The following CTNNA2 variants were observed in gnomAD, a reference collection of about 807,000 sequenced individuals.
CTNNA2 encodes catenin alpha-2.
CTNNA2 carries 42 observed loss-of-function variants against 101.0 expected under a neutral mutation model. The ratio of observed to expected loss-of-function variants is 0.42; its 90% CI spans 0.32 to 0.54. The LOEUF is 0.54. Among genes scored for constraint, CTNNA2 ranks in the 20% least tolerant of loss-of-function variants. CTNNA2 has a pLI of 0.14. For missense variants in CTNNA2, 871 were observed against 1,223.1 expected (o/e 0.71, Z 4.29); for synonymous variants, 450 against 456.4 (o/e 0.99, Z 0.18).
At chr2:79,396,100 T>C (rs1678226982) in intron 4 of CTNNA2, among the ~76,000 whole-genome samples, 1 of 152,208 alleles carries the variant, frequency 6.6e-6, no homozygotes, top group South Asian at 2.1e-4. Context: ...GTTTTATTTT[T>C]TGGAATCATT....
intron 9 of CTNNA2, among the ~76,000 whole-genome samples, chr2:80,471,790 G>A (rs1468866017): frequency 1.3e-5 from 2 of 150,532 alleles, no homozygotes; most frequent in Non-Finnish European, 2.9e-5. Flanking sequence ...GTCTGTTGGC[G>A]GGAAAGTGGT....
At chr2:80,196,895 T>A (rs1706875133) in intron 7 of CTNNA2, among the ~76,000 whole-genome samples, 1 of 152,198 alleles carries the variant, frequency 6.6e-6, no homozygotes, top group Non-Finnish European at 1.5e-5. Flanking sequence ...ATTCTTGAAG[T>A]CCCTGCTTAA....
intron 7 of CTNNA2, among the ~76,000 whole-genome samples, chr2:80,290,621 CT>C (rs968893273): frequency 3.9e-5 from 6 of 152,126 alleles, no homozygotes; most frequent in Middle Eastern, 3.4e-3. Context: ...ATTACTCCCC[CT>C]CCCTGAAATC....
At chr2:80,409,452 G>A (rs1469315808) in intron 8 of CTNNA2, among the ~76,000 whole-genome samples, 8 of 152,172 alleles carry the variant, frequency 5.3e-5, no homozygotes, top group Non-Finnish European at 1.2e-4. Context: ...GTGTGAGGTC[G>A]TGTTGATCGC....
intron 7 of CTNNA2, among the ~76,000 whole-genome samples, chr2:80,363,622 T>G (rs1022658088): frequency 6.6e-6 from 1 of 152,162 alleles, no homozygotes; most frequent in Non-Finnish European, 1.5e-5. Context: ...ATTTCTGTAC[T>G]TAGAATTGAG....
intron 3 of CTNNA2, among the ~76,000 whole-genome samples, chr2:79,758,053 C>T (rs927676620): frequency 1.3e-5 from 2 of 152,248 alleles, no homozygotes; most frequent in Admixed American, 1.3e-4. Context: ...TATTTTTAAT[C>T]ATAAAATGAT....
chr2:79,435,270 T>G (rs1229301412), intron 4 of CTNNA2, among the ~76,000 whole-genome samples: 1 of 152,144 alleles, frequency 6.6e-6, no homozygotes, highest in Non-Finnish European at 1.5e-5. Flanking sequence ...CACTGTTGAA[T>G]AGTAGTGGTG....
intron 4 of CTNNA2, among the ~76,000 whole-genome samples, chr2:79,490,561 G>A (rs904262332): frequency 2.0e-5 from 3 of 152,026 alleles, no homozygotes; most frequent in African/African-American, 4.8e-5. Flanking sequence ...CAACATGACC[G>A]TCCATCTTTT....
intron 9 of CTNNA2, among the ~76,000 whole-genome samples, chr2:80,532,618 A>C (rs1426296025): frequency 6.6e-6 from 1 of 152,144 alleles, no homozygotes; most frequent in Non-Finnish European, 1.5e-5. Flanking sequence ...GTAGGTATGC[A>C]TGTTCAGGAA....
rs996420716 is a variant in CTNNA2, at chr2:79,829,345, C to G, written c.299-28668C>G. ...CAGCCTGGCTAATATGGTGAAACCCCGTCTCAACTAAAACTACACACACAC... is the reference window on the plus strand; with the variant it reads ...CAGCCTGGCTAATATGGTGAAACCCGGTCTCAACTAAAACTACACACACAC... On this transcript the variant is annotated intron_variant, in intron 3 of 18. Coordinates refer to ENST00000402739, the MANE Select transcript of CTNNA2 (RefSeq NM_001282597.3). 1.2e-4 allele frequency among the ~76,000 whole-genome samples: 17 copies of G among 142,000 alleles called. No individual in the cohort carries two copies. In the East Asian group the frequency reaches 3.8e-3, roughly 32 times the overall value. The allele number at this position is 142,000 out of a possible 152,430, so 93.2% of individuals were successfully genotyped here.
intron 12 of CTNNA2, among the ~76,000 whole-genome samples, chr2:80,564,732 TGTATGCAG>T (rs1327093790): frequency 6.6e-6 from 1 of 152,170 alleles, no homozygotes; most frequent in African/African-American, 2.4e-5. Context: ...AGTCCAAGAA[TGTATGCAG>T]GAAGAATTGG....
upstream of CTNNA2, among the ~76,000 whole-genome samples, chr2:79,511,720 T>A (rs933621584): frequency 1.9e-4 from 29 of 152,086 alleles, 1 homozygote; most frequent in African/African-American, 7.0e-4. Flanking sequence ...CTAGAGAGAA[T>A]TAAAAATAGT....
At chr2:79,553,217 C>T (rs756437556) in intron 1 of CTNNA2, among the ~76,000 whole-genome samples, 1 of 152,124 alleles carries the variant, frequency 6.6e-6, no homozygotes, top group Non-Finnish European at 1.5e-5. Flanking sequence ...AAATATGTTC[C>T]TTCTCTCCAT....
chr2:79,516,109 T>G (rs534809946), intron 1 of CTNNA2, among the ~76,000 whole-genome samples: 1 of 152,318 alleles, frequency 6.6e-6, no homozygotes, highest in East Asian at 1.9e-4. Flanking sequence ...GCTCTAGTTC[T>G]TAGGAGGATC....
intron 7 of CTNNA2, among the ~76,000 whole-genome samples, chr2:80,059,030 T>G (rs1697404724): frequency 6.6e-6 from 1 of 152,214 alleles, no homozygotes; most frequent in Admixed American, 6.5e-5. Context: ...CTCTTATTCT[T>G]TAAAATGTAT....
At chr2:79,445,458 A>C (rs1319376333) in intron 4 of CTNNA2, among the ~76,000 whole-genome samples, 4 of 152,214 alleles carry the variant, frequency 2.6e-5, no homozygotes, top group Non-Finnish European at 4.4e-5. Flanking sequence ...TCTGAGCCTC[A>C]AAGTGATTTG....
chr2:80,353,191 C>T (rs1024065069), intron 7 of CTNNA2, among the ~76,000 whole-genome samples: 9 of 151,946 alleles, frequency 5.9e-5, no homozygotes, highest in African/African-American at 1.9e-4. Context: ...GATTTAGATT[C>T]TCCATTTAGA....
intron 4 of CTNNA2, among the ~76,000 whole-genome samples, chr2:79,449,112 C>T (rs115561754): frequency 6.6e-6 from 1 of 151,918 alleles, no homozygotes; most frequent in African/African-American, 2.4e-5. Context: ...TGTCCCCACT[C>T]CCCCCAAAAA....
intron 7 of CTNNA2, among the ~76,000 whole-genome samples, chr2:80,282,561 A>G (rs765512299): frequency 3.9e-5 from 6 of 152,164 alleles, no homozygotes; most frequent in Non-Finnish European, 8.8e-5. Context: ...ACCATGGGCA[A>G]TCTTACTACA....
Sources: allele counts gnomAD v4.1 joint callset (sites outside exome capture counted in the v4.1 genomes callset), GRCh38; gene constraint gnomAD v4.1.1; transcripts MANE v1.5; gene names NCBI Gene and HGNC (gene_info 2026-07-23, HGNC 2026-07-21).